The following ZYG11B variants were observed in gnomAD, a reference collection of about 807,000 sequenced individuals.
ZYG11B encodes protein zyg-11 homolog B.
ZYG11B carries 36 observed loss-of-function variants against 82.4 expected under a neutral mutation model. The ratio of observed to expected loss-of-function variants is 0.44; its 90% CI spans 0.33 to 0.58. ZYG11B has a LOEUF of 0.58. Ranked by LOEUF, ZYG11B falls within the 20% of genes least tolerant of loss-of-function variation. ZYG11B has a pLI of 0.02. For synonymous variants in ZYG11B, 303 were observed against 312.8 expected, an observed-to-expected ratio of 0.97 and a Z score of 0.33; for missense variants, 552 against 895.6, an observed-to-expected ratio of 0.62 and a Z score of 4.90.
In ZYG11B at chr1:52,755,444, G is replaced by T. The variant is rs1037198503; in HGVS notation, c.31-1014G>T. ...TTTCAACTTTGTTTTTCTTTTCCAA[G>T]ATCGTTTTGGCTATTCTAGGTGTTG... is the stretch of plus-strand genomic sequence containing the variant. On this transcript the variant is annotated intron_variant, in intron 1 of 13. Transcript: ENST00000294353. Among the ~76,000 whole-genome samples, 4 of 152,046 alleles carry T rather than the reference G, an allele frequency of 2.6e-5. No individual in the cohort carries two copies. In the South Asian group the frequency reaches 6.2e-4, roughly 24 times the overall value.
At chr1:52,768,654 G>A (rs1277947455) in intron 2 of ZYG11B, among the ~76,000 whole-genome samples, 3 of 150,136 alleles carry the variant, frequency 2.0e-5, no homozygotes, top group Non-Finnish European at 4.4e-5. Context: ...GAGTGCAGTG[G>A]CGCCATCTCG....
At chr1:52,761,550 A>G (rs1167205649) in intron 2 of ZYG11B, among the ~76,000 whole-genome samples, 1 of 152,244 alleles carries the variant, frequency 6.6e-6, no homozygotes, top group Non-Finnish European at 1.5e-5. Context: ...GTATTCCATT[A>G]TGTATGTACA....
intron 6 of ZYG11B, among the ~76,000 whole-genome samples, chr1:52,795,247 C>T (rs940410527): frequency 2.0e-5 from 3 of 152,126 alleles, no homozygotes; most frequent in Non-Finnish European, 4.4e-5. Context: ...GTAGCACCTC[C>T]GGCTTTGCCC....
intron 2 of ZYG11B, among the ~76,000 whole-genome samples, chr1:52,762,347 A>G (rs984218563): frequency 5.3e-5 from 8 of 151,572 alleles, no homozygotes; most frequent in African/African-American, 1.7e-4. Flanking sequence ...AGCTGAGACT[A>G]TAGGCATGTA....
intron 1 of ZYG11B, among the ~76,000 whole-genome samples, chr1:52,734,815 A>G (rs1179654517): frequency 2.0e-5 from 3 of 151,464 alleles, no homozygotes; most frequent in Non-Finnish European, 4.4e-5. Context: ...CACAACGTCC[A>G]CCTCCCGGGT....
chr1:52,806,656 A>G (rs1461134583), intron 10 of ZYG11B, among the ~76,000 whole-genome samples: 2 of 152,086 alleles, frequency 1.3e-5, no homozygotes, highest in East Asian at 1.9e-4. Context: ...TAGTGTTAGC[A>G]TAGCATTTCT....
chr1:52,808,194 C>T (rs1004325701), intron 10 of ZYG11B, among the ~76,000 whole-genome samples: 2 of 152,092 alleles, frequency 1.3e-5, no homozygotes, highest in African/African-American at 2.4e-5. Flanking sequence ...GAAACTCCAT[C>T]TCTTCTCAAA....
rs540054118 is a variant in ZYG11B at position 52,785,890 on chromosome 1, T to C, written c.1269+837T>C. Among the ~76,000 whole-genome samples the C allele has an allele frequency of 6.6e-5, 10 of 152,266 alleles. No individual in the cohort carries two copies. In the South Asian group the frequency reaches 1.9e-3, roughly 28 times the overall value. On this transcript the variant is annotated intron_variant, in intron 5 of 13. Transcript: ENST00000294353. ...AGCCAGCTTCCCTCATTGAGGGCAGTTGCCAAACTAGATGAAATTTAGGCT... is the reference window on the plus strand; with the variant it reads ...AGCCAGCTTCCCTCATTGAGGGCAGCTGCCAAACTAGATGAAATTTAGGCT...
intron 1 of ZYG11B, among the ~76,000 whole-genome samples, chr1:52,754,873 C>T (rs1418968020): frequency 6.6e-6 from 1 of 151,440 alleles, no homozygotes; most frequent in African/African-American, 2.4e-5. Flanking sequence ...GGTAATTTTT[C>T]TATATGATGT....
At chr1:52,783,943 T>TATATG (rs74187440) in intron 4 of ZYG11B, among the ~76,000 whole-genome samples, 2 of 146,332 alleles carry the variant, frequency 1.4e-5, no homozygotes, top group African/African-American at 5.0e-5. Flanking sequence ...CATCTATACA[T>TATATG]ATATGTATAT....
At chr1:52,783,539 G>A (rs1644874649) in intron 4 of ZYG11B, among the ~76,000 whole-genome samples, 1 of 151,502 alleles carries the variant, frequency 6.6e-6, no homozygotes, top group Admixed American at 6.6e-5. Flanking sequence ...ATGTACGTAT[G>A]CTGGTAAGTA....
chr1:52,779,093 A>C (rs1558130987), intron 3 of ZYG11B, among the ~76,000 whole-genome samples: 1 of 152,204 alleles, frequency 6.6e-6, no homozygotes, highest in Non-Finnish European at 1.5e-5. Context: ...GAATGAGTAG[A>C]AATTAGTCAG....
intron 10 of ZYG11B, among the ~76,000 whole-genome samples, chr1:52,808,665 C>T (rs1426805570): frequency 6.6e-6 from 1 of 152,120 alleles, no homozygotes; most frequent in Admixed American, 6.6e-5. Flanking sequence ...TGTGACCTGC[C>T]CATTTCCCTA....
intron 2 of ZYG11B, among the ~76,000 whole-genome samples, chr1:52,759,075 G>GCACC (rs1484591094): frequency 6.6e-6 from 1 of 152,006 alleles, no homozygotes; most frequent in East Asian, 1.9e-4. Context: ...GGGACTACAG[G>GCACC]TGCCCACCAA....
At chr1:52,791,425 A>G (rs1344691203) in intron 6 of ZYG11B, among the ~76,000 whole-genome samples, 2 of 151,276 alleles carry the variant, frequency 1.3e-5, no homozygotes, top group African/African-American at 2.4e-5. Context: ...CTGGAGTGCA[A>G]TGGCGTGATC....
At chr1:52,749,265 G>A (rs1644502005) in intron 1 of ZYG11B, among the ~76,000 whole-genome samples, 1 of 151,996 alleles carries the variant, frequency 6.6e-6, no homozygotes, top group African/African-American at 2.4e-5. Context: ...GCTATAAAAG[G>A]ACTAACAAAA....
At position 52,803,111 on chromosome 1, in the gene ZYG11B, TATATATACACAC is replaced by T. The variant is rs1558140061; in HGVS notation, c.1695+980_1695+991del. On this transcript the variant is annotated intron_variant, in intron 10 of 13. Coordinates refer to ENST00000294353, the MANE Select transcript of ZYG11B (RefSeq NM_024646.3). ...ACATATATATATACATATATATATA[TATATATACACAC>T]ATATATATATACACACATATATATA... 5.7e-4 allele frequency among the ~76,000 whole-genome samples: 52 copies of T among 90,658 alleles called. 1 individual carries two copies. Among genetic ancestry groups the T allele is most frequent in the South Asian group, 3.2e-3 (9 of 2,782 alleles). The allele number at this position is 90,658 out of a possible 152,430, so 59.5% of individuals were successfully genotyped here. A position where few individuals can be genotyped will look rare whatever the true frequency, so the allele number is the denominator to read the frequency against.
rs1406464798 is a variant in ZYG11B, at chr1:52,827,175, T to C, written c.*5546T>C. 1 of 152,240 alleles carries C rather than the reference T, an allele frequency of 6.6e-6. No homozygotes were observed. The allele number at this position is 152,240 out of a possible 1,614,324, so 9.4% of individuals were successfully genotyped here. ...TGTATATTTCAAAGACTCTCAATTATCTGGACTGAAGGCACTGTTCTCACT... is the reference window on the plus strand; with the variant it reads ...TGTATATTTCAAAGACTCTCAATTACCTGGACTGAAGGCACTGTTCTCACT... On this transcript the variant is annotated 3_prime_UTR_variant, in exon 14 of 14. Transcript: ENST00000294353.
intron 2 of ZYG11B, among the ~76,000 whole-genome samples, chr1:52,770,097 T>A (rs1283126614): frequency 4.1e-5 from 6 of 145,558 alleles, no homozygotes; most frequent in South Asian, 4.3e-4. Context: ...TATATATTTT[T>A]TTTTTTTTTT....
Sources: allele counts gnomAD v4.1 joint callset (sites outside exome capture counted in the v4.1 genomes callset), GRCh38; gene constraint gnomAD v4.1.1; transcripts MANE v1.5; gene names NCBI Gene and HGNC (gene_info 2026-07-23, HGNC 2026-07-21).